CDC14B: variants seen among roughly 807,000 people sequenced by gnomAD.
CDC14B encodes the protein dual specificity protein phosphatase CDC14B.
A neutral mutation model predicts 64.2 loss-of-function variants in CDC14B; 22 were observed. The ratio of observed to expected loss-of-function variants is 0.34; its 90% CI spans 0.24 to 0.49. The LOEUF is 0.49. CDC14B is among the 20% of genes least tolerant of loss of function. The probability of loss-of-function intolerance (pLI) is 0.99; values close to 1 mark genes in which losing one functional copy is unlikely to be tolerated. For synonymous variants in CDC14B, 191 were observed against 215.8 expected (o/e 0.89, Z 1.01); for missense variants, 498 against 629.9 (o/e 0.79, Z 2.24).
intron 4 of CDC14B, among the ~76,000 whole-genome samples, chr9:96,562,185 C>T (rs1425027542): frequency 2.0e-5 from 3 of 152,068 alleles, no homozygotes; most frequent in African/African-American, 7.2e-5. Context: ...ACTGACATCC[C>T]GTGGCCTCCT....
At chr9:96,529,881 T>G (rs556808296) in intron 9 of CDC14B, among the ~76,000 whole-genome samples, 3 of 152,310 alleles carry the variant, frequency 2.0e-5, no homozygotes, top group Middle Eastern at 3.4e-3. Flanking sequence ...CCCTTGAGAT[T>G]CCAAATGAAT....
chr9:96,508,014 A>ATTTTTTTTTTTTTT (rs905717510), intron 13 of CDC14B, among the ~76,000 whole-genome samples: 1 of 146,386 alleles, frequency 6.8e-6, no homozygotes. Context: ...ATACTTCAGA[A>ATTTTTTTTTTTTTT]TTTTTTTTTT....
chr9:96,618,691 C>T (rs1847793121), intron 1 of CDC14B: 2 of 462,878 alleles, frequency 4.3e-6, no homozygotes, highest in African/African-American at 2.0e-5. Flanking sequence ...GCTTACGCGC[C>T]GGACGGGCAA....
intron 1 of CDC14B, among the ~76,000 whole-genome samples, chr9:96,610,881 T>G (rs1467006650): frequency 2.0e-5 from 3 of 152,020 alleles, no homozygotes; most frequent in Non-Finnish European, 2.9e-5. Flanking sequence ...AAAGACAAAT[T>G]TCAACTTAAG....
chr9:96,588,038 A>ACCCT (rs1306736637), intron 1 of CDC14B, among the ~76,000 whole-genome samples: 1 of 152,174 alleles, frequency 6.6e-6, no homozygotes, highest in East Asian at 1.9e-4. Context: ...GGAAAACCAA[A>ACCCT]AAAACCCTGA....
At chr9:96,545,751 C>T (rs1286233715) in intron 5 of CDC14B, among the ~76,000 whole-genome samples, 1 of 151,884 alleles carries the variant, frequency 6.6e-6, no homozygotes. Flanking sequence ...GGGCACAGCC[C>T]CGCTCCAATC....
At chr9:96,525,521 C>T (rs1217551602) in intron 9 of CDC14B, among the ~76,000 whole-genome samples, 1 of 152,022 alleles carries the variant, frequency 6.6e-6, no homozygotes, top group Non-Finnish European at 1.5e-5. Flanking sequence ...TACAGCAAAC[C>T]CAGCTGCCTC....
At chr9:96,507,023 G>A (rs1197598462) in intron 13 of CDC14B, among the ~76,000 whole-genome samples, 1 of 152,192 alleles carries the variant, frequency 6.6e-6, no homozygotes, top group African/African-American at 2.4e-5. Flanking sequence ...GCCGGGCGCC[G>A]TGGCTCACGC....
chr9:96,536,879 A>C (rs1471096977), intron 7 of CDC14B, among the ~76,000 whole-genome samples: 1 of 152,016 alleles, frequency 6.6e-6, no homozygotes, highest in Non-Finnish European at 1.5e-5. Flanking sequence ...TGGAGGATAA[A>C]GCTGTAGAAT....
chr9:96,574,694 T>TCA (rs1844691291), intron 1 of CDC14B, among the ~76,000 whole-genome samples: 1 of 71,768 alleles, frequency 1.4e-5, no homozygotes, highest in African/African-American at 2.1e-4. Context: ...AAACTCGGTC[T>TCA]CACAAAAAAA....
At chr9:96,565,664 G>C (rs1843809926) in intron 1 of CDC14B, among the ~76,000 whole-genome samples, 181 bp from the exon 2 acceptor site, 1 of 152,132 alleles carries the variant, frequency 6.6e-6, no homozygotes, top group Admixed American at 6.5e-5. Flanking sequence ...TAATCAATGA[G>C]CACATTTTTA....
At chr9:96,570,354 A>G (rs1174010833) in intron 1 of CDC14B, among the ~76,000 whole-genome samples, 4 of 152,204 alleles carry the variant, frequency 2.6e-5, no homozygotes, top group African/African-American at 9.6e-5. Flanking sequence ...GAAGAACCCT[A>G]TTTGGACCTA....
At chr9:96,609,641 C>T (rs1028913385) in intron 1 of CDC14B, among the ~76,000 whole-genome samples, 1 of 152,098 alleles carries the variant, frequency 6.6e-6, no homozygotes, top group African/African-American at 2.4e-5. Context: ...TGAGAGAAGG[C>T]TTTGCAGAAT....
At chr9:96,505,511 C>G (rs1834002582) in intron 13 of CDC14B, among the ~76,000 whole-genome samples, 1 of 152,350 alleles carries the variant, frequency 6.6e-6, no homozygotes, top group East Asian at 1.9e-4. Context: ...GCTGCAGGCT[C>G]TCACTCGGGG....
chr9:96,497,303 C>A (rs925889006), downstream of CDC14B, among the ~76,000 whole-genome samples: 1 of 150,250 alleles, frequency 6.7e-6, no homozygotes. Context: ...GAGGCAGGGG[C>A]GGGGAGGCAG....
intron 4 of CDC14B, among the ~76,000 whole-genome samples, chr9:96,555,846 C>A (rs1340836342): frequency 6.6e-6 from 1 of 152,112 alleles, no homozygotes; most frequent in Non-Finnish European, 1.5e-5. Context: ...TTCCCACCAC[C>A]CCCACTTTCT....
chr9:96,616,317 T>G (rs1847623064), intron 1 of CDC14B, among the ~76,000 whole-genome samples: 1 of 151,396 alleles, frequency 6.6e-6, no homozygotes, highest in South Asian at 2.1e-4. Context: ...AGAGCAAGAC[T>G]CCGTCTCAAA....
At chr9:96,567,649 T>C (rs562703741) in intron 1 of CDC14B, among the ~76,000 whole-genome samples, 4 of 152,228 alleles carry the variant, frequency 2.6e-5, no homozygotes, top group East Asian at 1.9e-4. Flanking sequence ...ATTGTAGAGA[T>C]AGAGAGTAGA....
chr9:96,619,237 C>G lies in CDC14B; in HGVS notation c.142G>C (p.Val48Leu). Residue 48 changes from valine to leucine, a missense_variant, in exon 1 of 14, where the codon GTG becomes CTG. By Grantham distance (32) the Val-to-Leu change is conservative (BLOSUM62 1). Coordinates refer to ENST00000375241, the MANE Select transcript of CDC14B (RefSeq NM_033331.4). ...DPRRRDPQDDVYLDITDRLCF... is the reference protein window; with the variant it reads ...DPRRRDPQDDLYLDITDRLCF... Reference sequence around the variant, plus strand: ...GGCTCACCGGTGATGTCCAGGTACACGTCGTCCTGGGGGTCCCGGCGGCGC... The same window carrying G: ...GGCTCACCGGTGATGTCCAGGTACAGGTCGTCCTGGGGGTCCCGGCGGCGC... 7.4e-7 allele frequency: 1 copy of G among 1,350,858 alleles called. No individual in the cohort carries two copies. The highest frequency in any genetic ancestry group is 9.6e-7 in the Non-Finnish European group (1 of 1,046,298). The allele number at this position is 1,350,858 out of a possible 1,614,324, so 83.7% of individuals were successfully genotyped here. A position where few individuals can be genotyped will look rare whatever the true frequency, so the allele number is the denominator to read the frequency against.
Sources: allele counts gnomAD v4.1 joint callset (sites outside exome capture counted in the v4.1 genomes callset), GRCh38; gene constraint gnomAD v4.1.1; transcripts MANE v1.5; gene names NCBI Gene and HGNC (gene_info 2026-07-23, HGNC 2026-07-21).